Variants in DNAL4 observed in about 807,000 individuals in gnomAD.
DNAL4 encodes dynein light chain, outer arm 4.
Under a neutral mutation model 12.6 loss-of-function variants are expected in DNAL4, and 10 were observed. The observed-to-expected ratio is 0.79, with a 90% CI of 0.49 to 1.34. The LOEUF (loss-of-function observed/expected upper bound fraction) is 1.34, where lower values mean the gene tolerates loss of function less well. Ranked by LOEUF, DNAL4 falls within the 40% of genes most tolerant of loss-of-function variation. The pLI, the probability that DNAL4 is intolerant of heterozygous loss-of-function variation, is 0.00. For missense variants in DNAL4, 128 were observed against 138.1 expected, an observed-to-expected ratio of 0.93 and a Z score of 0.37; for synonymous variants, 46 against 53.1, an observed-to-expected ratio of 0.87 and a Z score of 0.58.
chr22:38,786,878 C>T (rs2093042999), intron 1 of DNAL4, among the ~76,000 whole-genome samples: 1 of 152,220 alleles, frequency 6.6e-6, no homozygotes, highest in South Asian at 2.1e-4. Context: ...TGGCACTGAC[C>T]TCAGTCACCA....
intron 1 of DNAL4, among the ~76,000 whole-genome samples, chr22:38,783,731 TA>T (rs2093037983): frequency 6.6e-6 from 1 of 152,156 alleles, no homozygotes; most frequent in Admixed American, 6.5e-5. Flanking sequence ...TCCTCACCAG[TA>T]ATGTGGGTAC....
intron 1 of DNAL4, among the ~76,000 whole-genome samples, chr22:38,789,261 ATT>A (rs990557382): frequency 1.3e-5 from 2 of 152,104 alleles, no homozygotes; most frequent in African/African-American, 4.8e-5. Context: ...GACTTCAAAG[ATT>A]ATGCTTTTTC....
Position 38,790,866 on chromosome 22 carries a change from A to G in DNAL4, c.-140+3202T>C, listed in dbSNP as rs912471641. On this transcript the variant is annotated intron_variant, in intron 1 of 3. Coordinates refer to ENST00000216068, the MANE Select transcript of DNAL4 (RefSeq NM_005740.3). Reference sequence around the variant, plus strand: ...TAATGCAATGGTGTTTGTGTATCTAAACATAGAAAAAGTACAGTTGGCCGG... The same window carrying G: ...TAATGCAATGGTGTTTGTGTATCTAGACATAGAAAAAGTACAGTTGGCCGG... Among the ~76,000 whole-genome samples the G allele has an allele frequency of 2.0e-5, 3 of 152,192 alleles. No homozygotes were observed. In the East Asian group the frequency reaches 5.8e-4, roughly 29 times the overall value.
At chr22:38,789,769 G>A (rs185015474) in intron 1 of DNAL4, among the ~76,000 whole-genome samples, 12 of 152,316 alleles carry the variant, frequency 7.9e-5, no homozygotes, top group Non-Finnish European at 1.5e-4. Context: ...AGCAAAAGGA[G>A]CTTGCTGGCA....
chr22:38,787,044 C>T (rs1005249890), intron 1 of DNAL4, among the ~76,000 whole-genome samples: 3 of 152,082 alleles, frequency 2.0e-5, no homozygotes, highest in Non-Finnish European at 4.4e-5. Context: ...CTGGAACATC[C>T]GCGGCCCTTA....
chr22:38,781,569 C>A (rs978212012), intron 2 of DNAL4, among the ~76,000 whole-genome samples: 1 of 152,200 alleles, frequency 6.6e-6, no homozygotes, highest in East Asian at 1.9e-4. Flanking sequence ...CTACCCCCAG[C>A]TCTAACCTCT....
At chr22:38,781,669 T>TCTTCCATCTC (rs1227228129) in intron 2 of DNAL4, among the ~76,000 whole-genome samples, 1 of 152,208 alleles carries the variant, frequency 6.6e-6, no homozygotes, top group Non-Finnish European at 1.5e-5. Context: ...AAACCCATCT[T>TCTTCCATCTC]CTTCCATCTC....
At chr22:38,784,884 G>C (rs1336676879) in intron 1 of DNAL4, among the ~76,000 whole-genome samples, 2 of 151,904 alleles carry the variant, frequency 1.3e-5, no homozygotes, top group African/African-American at 4.8e-5. Context: ...CACTCTTTCT[G>C]GGCTGTGCTC....
chr22:38,794,110 C>T lies in DNAL4; in HGVS notation c.-182G>A, dbSNP rs889860095. Reference sequence around the variant, plus strand: ...GGAGCCGGGGCCGCAGCCAGCGAACCCCCGCCAGGGTTGTCAAGGAGCGAA... The same window carrying T: ...GGAGCCGGGGCCGCAGCCAGCGAACTCCCGCCAGGGTTGTCAAGGAGCGAA... On this transcript the variant is annotated 5_prime_UTR_variant, in exon 1 of 4. Transcript: ENST00000216068. 4 of 152,376 alleles carry T rather than the reference C, an allele frequency of 2.6e-5. No individual in the cohort carries two copies. In the South Asian group the frequency reaches 8.3e-4, roughly 32 times the overall value. 9.4% of individuals were successfully genotyped at this position (152,376 alleles called of 1,614,324 possible).
At chr22:38,780,734 T>C (rs1396943151) in intron 3 of DNAL4, 192 bp downstream of exon 3, 9 of 582,348 alleles carry the variant, frequency 1.5e-5, no homozygotes, top group Admixed American at 3.1e-5. Context: ...TAGGGCTGGG[T>C]GTGACCGTCA....
In DNAL4 at chr22:38,779,219, C is replaced by G. The variant is rs552241542; in HGVS notation, c.*230G>C. The G allele has an allele frequency of 6.2e-6, 3 of 484,536 alleles. No individual in the cohort carries two copies. Among genetic ancestry groups the G allele is most frequent in the Non-Finnish European group, 1.1e-5 (3 of 280,974 alleles). 30.0% of individuals were successfully genotyped at this position (484,536 alleles called of 1,614,324 possible). On this transcript the variant is annotated 3_prime_UTR_variant, in exon 4 of 4. Transcript: ENST00000216068. This position sits in a 1 kb window ranked among gnomAD's most constrained non-coding sequence, Gnocchi z 4.3. ...CCACCCCACGTCTCCCACACAGACC[C>G]ATGCCCGCTGCCCCGTCCACACCCT...
chr22:38,782,551 A>G lies in DNAL4; in HGVS notation c.69+112T>C. On this transcript the variant is annotated intron_variant, in intron 2 of 3. Transcript: ENST00000216068. The surrounding 1 kb of genome is among the most constrained non-coding windows in gnomAD (Gnocchi z 5.1). ...AAGATGTCTAGGTCTGAGCCAGCAGAGCCCTTCTTAACTTCCTCCCACTGC... is the reference window on the plus strand; with the variant it reads ...AAGATGTCTAGGTCTGAGCCAGCAGGGCCCTTCTTAACTTCCTCCCACTGC... 9.8e-7 allele frequency: 1 copy of G among 1,016,560 alleles called. No individual in the cohort carries two copies. The highest frequency in any genetic ancestry group is 1.5e-6 in the Non-Finnish European group (1 of 673,962). 63.0% of individuals were successfully genotyped at this position (1,016,560 alleles called of 1,614,324 possible).
intron 1 of DNAL4, chr22:38,786,020 A>C (rs966413492): frequency 2.0e-5 from 3 of 152,262 alleles, no homozygotes; most frequent in African/African-American, 7.2e-5. Context: ...AGACAGAATA[A>C]AAAGGAATCG....
Position 38,779,718 on chromosome 22 carries a change from A to C in DNAL4, c.154-105T>G. ...GCTGGCACTGAGGTCTTGGCAAGAG[A>C]AAGGCCTGCTGTCCTATTTCTCTTG... On this transcript the variant is annotated intron_variant, in intron 3 of 3. Coordinates refer to ENST00000216068, the MANE Select transcript of DNAL4 (RefSeq NM_005740.3). The surrounding 1 kb of genome is among the most constrained non-coding windows in gnomAD (Gnocchi z 4.3). 1 of 1,382,296 alleles carries C rather than the reference A, an allele frequency of 7.2e-7. No homozygotes were observed. The highest frequency in any genetic ancestry group is 9.7e-7 in the Non-Finnish European group (1 of 1,028,262). 85.6% of individuals were successfully genotyped at this position (1,382,296 alleles called of 1,614,324 possible).
At chr22:38,785,407 T>C (rs1003354030) in intron 1 of DNAL4, 4 of 152,188 alleles carry the variant, frequency 2.6e-5, no homozygotes, top group African/African-American at 9.7e-5. Flanking sequence ...TTCCATTTGA[T>C]TCAATTCATC....
rs763960820 is a variant in DNAL4 at position 38,780,957 on chromosome 22, G to A, written c.122C>T (p.Thr41Ile). Residue 41 changes from threonine (T) to isoleucine (I), a missense_variant, in exon 3 of 4, where the codon ACA becomes ATA. Transcript: ENST00000216068. Reference protein sequence around the residue: ...MRVETMELCVTACEKFSNNNE... With the variant: ...MRVETMELCVIACEKFSNNNE... ...GTTGTTGGAGAATTTCTCACAGGCT[G>A]TGACACATAGCTCCATGGTCTCCAC... The A allele has an allele frequency of 1.9e-6, 3 of 1,614,232 alleles. No homozygotes were observed. In the South Asian group the frequency reaches 3.3e-5, roughly 18 times the overall value.
chr22:38,792,079 T>G (rs1029005285), intron 1 of DNAL4, among the ~76,000 whole-genome samples: 7 of 152,106 alleles, frequency 4.6e-5, no homozygotes, highest in Admixed American at 2.0e-4. Context: ...ATAGAAAATA[T>G]TTTTCTTTCT....
chr22:38,787,247 T>TC (rs113078847), intron 1 of DNAL4, among the ~76,000 whole-genome samples: 15 of 148,800 alleles, frequency 1.0e-4, no homozygotes, highest in African/African-American at 3.0e-4. Flanking sequence ...TTTCTTTCTT[T>TC]TTTTTTTTTT....
Position 38,780,915 on chromosome 22 carries a change from G to T in DNAL4, c.153+11C>A, listed in dbSNP as rs759156558. On this transcript the variant is annotated intron_variant, in intron 3 of 3. Transcript: ENST00000216068. ...AAAAGCACGAGGGGCCGCCTGCACT[G>T]CTGGCAATACCTCGTTGTTGTTGGA... 3 of 1,614,184 alleles carry T rather than the reference G, an allele frequency of 1.9e-6. No homozygotes were observed. Among genetic ancestry groups the T allele is most frequent in the Non-Finnish European group, 2.5e-6 (3 of 1,179,982 alleles).
Sources: gnomAD v4.1 joint callset for allele counts (sites outside exome capture counted in the v4.1 genomes callset) on GRCh38, gnomAD v4.1.1 for gene constraint, Gnocchi (gnomAD v3.1) non-coding constraint, MANE v1.5 for transcripts, NCBI Gene and HGNC (gene_info 2026-07-23, HGNC 2026-07-21) for gene names.